The following ENAH variants were observed in gnomAD, a reference collection of about 807,000 sequenced individuals.
ENAH encodes protein enabled homolog.
ENAH carries 23 observed loss-of-function variants against 78.7 expected under a neutral mutation model. The ratio of observed to expected loss-of-function variants is 0.29; its 90% CI spans 0.21 to 0.41. The LOEUF (loss-of-function observed/expected upper bound fraction) is 0.41. ENAH is among the 10% of genes least tolerant of loss of function. The pLI is 1.00. For missense variants in ENAH, 544 were observed against 691.0 expected, an observed-to-expected ratio of 0.79 and a Z score of 2.39; for synonymous variants, 226 against 241.0, an observed-to-expected ratio of 0.94 and a Z score of 0.58.
At chr1:225,549,361 A>G (rs1022819540) in intron 3 of ENAH, among the ~76,000 whole-genome samples, 1 of 152,166 alleles carries the variant, frequency 6.6e-6, no homozygotes, top group Non-Finnish European at 1.5e-5. Context: ...TTCCTCTTCC[A>G]TCCTCTTTCA....
At position 225,549,664 on chromosome 1, in the gene ENAH, G is replaced by A. The variant is rs144657558; in HGVS notation, c.349+5242C>T. 1.5e-3 allele frequency among the ~76,000 whole-genome samples: 221 copies of A among 152,234 alleles called. 5 individuals carry two copies. Among genetic ancestry groups the A allele is most frequent in the East Asian group, 0.014 (73 of 5,178 alleles). Reference sequence around the variant, plus strand: ...TATAAAGATGATTGGTTATGTATACGCCAGATTAAGACCAAGCACACAGAA... The same window carrying A: ...TATAAAGATGATTGGTTATGTATACACCAGATTAAGACCAAGCACACAGAA... On this transcript the variant is annotated intron_variant, in intron 3 of 13. Transcript: ENST00000366843.
chr1:225,617,083 A>G (rs1009569690), intron 1 of ENAH, among the ~76,000 whole-genome samples: 8 of 151,066 alleles, frequency 5.3e-5, no homozygotes, highest in Non-Finnish European at 1.2e-4. Context: ...GGGGCAACAC[A>G]GCAAGGCTCC....
intron 1 of ENAH, among the ~76,000 whole-genome samples, chr1:225,568,738 T>C (rs1157087025): frequency 6.6e-6 from 1 of 152,222 alleles, no homozygotes; most frequent in Non-Finnish European, 1.5e-5. Context: ...AGAGGGATAA[T>C]GAAATGCAAC....
rs998477160 is a variant in ENAH at position 225,519,587 on chromosome 1, T to C, written c.435-22A>G. On this transcript the variant is annotated intron_variant, in intron 4 of 13. Coordinates refer to ENST00000366843, the MANE Select transcript of ENAH (RefSeq NM_018212.6). ...TTGTCTGGAAAAAAAAAAAAAAAAG[T>C]AAAAACATGCATCTATGGCTACTCA... 6 of 1,485,346 alleles carry C rather than the reference T, an allele frequency of 4.0e-6. No individual in the cohort carries two copies. In the African/African-American group the frequency reaches 8.5e-5, roughly 21 times the overall value. The allele number at this position is 1,485,346 out of a possible 1,614,324, so 92.0% of individuals were successfully genotyped here.
chr1:225,618,662 T>C (rs1408246407), intron 1 of ENAH, among the ~76,000 whole-genome samples: 1 of 152,162 alleles, frequency 6.6e-6, no homozygotes, highest in African/African-American at 2.4e-5. Context: ...ATAGATGAAT[T>C]CTCAGTGATC....
chr1:225,602,558 T>C (rs2096936232), intron 1 of ENAH, among the ~76,000 whole-genome samples: 1 of 152,150 alleles, frequency 6.6e-6, no homozygotes, highest in African/African-American at 2.4e-5. Context: ...AAGAACCTAC[T>C]TAATAATTTT....
intron 11 of ENAH, among the ~76,000 whole-genome samples, chr1:225,502,600 A>G (rs2096289588): frequency 6.6e-6 from 1 of 152,222 alleles, no homozygotes; most frequent in Non-Finnish European, 1.5e-5. Flanking sequence ...ATCTGCTTAT[A>G]TGAATAGGGG....
At chr1:225,615,543 A>C (rs1431957020) in intron 1 of ENAH, among the ~76,000 whole-genome samples, 6 of 130,604 alleles carry the variant, frequency 4.6e-5, no homozygotes, top group South Asian at 2.7e-4. Flanking sequence ...CCGGCCGCCC[A>C]GTCTGGGAAG....
At chr1:225,501,241 A>G (rs762233274) in intron 11 of ENAH, 171 bp from the exon 12 acceptor site, 48 of 492,928 alleles carry the variant, frequency 9.7e-5, no homozygotes, top group Middle Eastern at 1.0e-3. Flanking sequence ...ATAAAACAAC[A>G]TTTTTTCACT....
chr1:225,503,015 A>G (rs898738628), intron 11 of ENAH, among the ~76,000 whole-genome samples: 4 of 152,238 alleles, frequency 2.6e-5, no homozygotes, highest in Admixed American at 6.5e-5. Context: ...TGTTATGAAT[A>G]TATCCATATT....
rs960681267 is a variant in ENAH, at chr1:225,492,423, C to A, written c.*5352G>T. On this transcript the variant is annotated 3_prime_UTR_variant, in exon 14 of 14. Coordinates refer to ENST00000366843, the MANE Select transcript of ENAH (RefSeq NM_018212.6). ...ACTGAGGAAAAAGAACAGCACTACT[C>A]AAATGGTATATTCTTTTTACTCTCA... is the stretch of plus-strand genomic sequence containing the variant. The A allele has an allele frequency of 3.3e-5, 5 of 152,198 alleles. No individual in the cohort carries two copies. The highest frequency in any genetic ancestry group is 7.3e-5 in the Non-Finnish European group (5 of 68,036). 9.4% of individuals were successfully genotyped at this position (152,198 alleles called of 1,614,324 possible).
At chr1:225,576,951 A>G (rs1006359088) in intron 1 of ENAH, among the ~76,000 whole-genome samples, 4 of 152,122 alleles carry the variant, frequency 2.6e-5, no homozygotes, top group Admixed American at 2.6e-4. Flanking sequence ...CCTGGGCAAC[A>G]TAACAAAACC....
Position 225,545,250 on chromosome 1 carries a change from A to G in ENAH, c.349+9656T>C, listed in dbSNP as rs376570877. ...GCCCATCTGACACACGGCCTTTAAGATTTTTTTGCTTTGCTAGGCTGTTTG... is the reference window on the plus strand; with the variant it reads ...GCCCATCTGACACACGGCCTTTAAGGTTTTTTTGCTTTGCTAGGCTGTTTG... On this transcript the variant is annotated intron_variant, in intron 3 of 13. Transcript: ENST00000366843. Among the ~76,000 whole-genome samples, 180 of 152,280 alleles carry G rather than the reference A, an allele frequency of 1.2e-3. 2 individuals carry two copies. Among genetic ancestry groups the G allele is most frequent in the African/African-American group, 4.2e-3 (175 of 41,556 alleles).
In ENAH at chr1:225,549,451, C is replaced by T. The variant is rs1300981992; in HGVS notation, c.349+5455G>A. On this transcript the variant is annotated intron_variant, in intron 3 of 13. Transcript: ENST00000366843. ...GGTCATCATTTTAAAACACTGTTCT[C>T]TCCTTCCCGGCCTGCCCATTACATC... 4.6e-5 allele frequency among the ~76,000 whole-genome samples: 7 copies of T among 152,288 alleles called. No homozygotes were observed. The East Asian group carries it at 1.4e-3, about 29-fold the overall frequency.
At chr1:225,647,992 AG>A (rs1040976688) in intron 1 of ENAH, among the ~76,000 whole-genome samples, 2 of 152,160 alleles carry the variant, frequency 1.3e-5, no homozygotes, top group Non-Finnish European at 2.9e-5. Flanking sequence ...TGGAACACAC[AG>A]GAATAGTGGG....
intron 7 of ENAH, 85 bp from the exon 8 acceptor site, chr1:225,513,101 ACAT>A (rs2096389669): frequency 5.0e-6 from 6 of 1,206,702 alleles, no homozygotes; most frequent in Non-Finnish European, 6.7e-6. Flanking sequence ...ACAGAAGGAA[ACAT>A]CAGCATTAAT....
At chr1:225,604,255 G>A (rs891562061) in intron 1 of ENAH, among the ~76,000 whole-genome samples, 2 of 152,152 alleles carry the variant, frequency 1.3e-5, no homozygotes, top group East Asian at 3.8e-4. Context: ...CATAATCAAA[G>A]TCCAGGCTCT....
intron 2 of ENAH, among the ~76,000 whole-genome samples, chr1:225,560,904 A>G (rs1283384808): frequency 1.3e-5 from 2 of 152,232 alleles, no homozygotes; most frequent in Admixed American, 1.3e-4. Flanking sequence ...TAGGATCAAA[A>G]TTACATAAAC....
intron 4 of ENAH, among the ~76,000 whole-genome samples, chr1:225,525,607 G>A (rs933670185): frequency 7.9e-5 from 12 of 152,104 alleles, no homozygotes; most frequent in Admixed American, 2.0e-4. Flanking sequence ...GACCTTAGTC[G>A]TGCGGGAATT....
Sources: gnomAD v4.1 joint callset for allele counts (sites outside exome capture counted in the v4.1 genomes callset) on GRCh38, gnomAD v4.1.1 for gene constraint, MANE v1.5 for transcripts, NCBI Gene and HGNC (gene_info 2026-07-23, HGNC 2026-07-21) for gene names.